Variants in KIF14 observed in about 807,000 individuals in gnomAD.
KIF14 encodes the protein kinesin-like protein KIF14.
In KIF14, 98 loss-of-function variants were observed where a neutral mutation model predicts 176.2. The observed-to-expected ratio is 0.56, with a 90% CI of 0.47 to 0.66. The LOEUF (loss-of-function observed/expected upper bound fraction) is 0.66. Among genes scored for constraint, KIF14 ranks in the 30% least tolerant of loss-of-function variants. The probability of loss-of-function intolerance (pLI) is 0.00; values close to 1 mark genes in which losing one functional copy is unlikely to be tolerated. For synonymous variants in KIF14, 566 were observed against 632.2 expected (o/e 0.90, Z 1.57); for missense variants, 1,751 against 1,920.4 (o/e 0.91, Z 1.65).
At chr1:200,569,818 G>T in intron 23 of KIF14, 93 bp downstream of exon 23, 1 of 638,160 alleles carries the variant, frequency 1.6e-6, no homozygotes, top group East Asian at 2.7e-5. Flanking sequence ...TCCAGGAAAT[G>T]AAATGATTTG....
intron 21 of KIF14, among the ~76,000 whole-genome samples, chr1:200,576,395 G>A (rs568008013): frequency 2.6e-5 from 4 of 151,060 alleles, no homozygotes; most frequent in East Asian, 2.0e-4. Flanking sequence ...AGAGAATGGC[G>A]TGAACCCGGG....
chr1:200,600,403 T>C lies in KIF14; in HGVS notation c.2253A>G (p.Leu751=). The change falls in exon 12 of 30, where the codon TTA becomes TTG. Residue 751 remains leucine, a synonymous_variant. Coordinates refer to ENST00000367350, the MANE Select transcript of KIF14 (RefSeq NM_014875.3). ...YRLCRQEITS[L]RMKLHQQERD... is the part of the protein sequence containing the mutation. ...TCTCCTGTTGATGCAGTTTCATTCT[T>C]AAGGATGTTATTTCTTGCCGACAGA... 6.2e-7 allele frequency: 1 copy of C among 1,613,886 alleles called. No individual in the cohort carries two copies. Among genetic ancestry groups the C allele is most frequent in the Non-Finnish European group, 8.5e-7 (1 of 1,179,772 alleles).
chr1:200,586,721 T>G (rs991215071), intron 18 of KIF14, among the ~76,000 whole-genome samples: 1 of 150,116 alleles, frequency 6.7e-6, no homozygotes, highest in Non-Finnish European at 1.5e-5. Flanking sequence ...TGCAAAGATA[T>G]GGAATCAACC....
intron 22 of KIF14, among the ~76,000 whole-genome samples, chr1:200,574,097 A>G (rs1657970251): frequency 6.6e-6 from 1 of 152,120 alleles, no homozygotes; most frequent in Non-Finnish European, 1.5e-5. Flanking sequence ...GACAATATCT[A>G]CTTCATAGGT....
At chr1:200,614,479 T>C in intron 3 of KIF14, 74 bp from the exon 4 acceptor site, 2 of 910,638 alleles carry the variant, frequency 2.2e-6, no homozygotes, top group Non-Finnish European at 3.4e-6. Context: ...GGAAATAGGC[T>C]GGGAAGGGAG....
chr1:200,567,228 G>C (rs1167689307), intron 23 of KIF14, among the ~76,000 whole-genome samples: 2 of 149,876 alleles, frequency 1.3e-5, no homozygotes, highest in Non-Finnish European at 1.5e-5. Context: ...GTTTCTCCTT[G>C]AGGTATACTA....
chr1:200,578,261 CTTTG>C (rs991561808), intron 21 of KIF14, among the ~76,000 whole-genome samples: 13 of 151,910 alleles, frequency 8.6e-5, no homozygotes, highest in Non-Finnish European at 1.5e-4. Flanking sequence ...CATTGCTTTC[CTTTG>C]TTTTATTTTG....
intron 9 of KIF14, 114 bp from the exon 10 acceptor site, chr1:200,603,455 C>A: frequency 1.7e-6 from 1 of 598,804 alleles, no homozygotes; most frequent in East Asian, 2.8e-5. Flanking sequence ...TTTTTACTTT[C>A]TTTTTTTTTG....
At chr1:200,612,881 C>CTTTTTTTTT (rs58120760) in intron 4 of KIF14, among the ~76,000 whole-genome samples, 5 of 79,100 alleles carry the variant, frequency 6.3e-5, no homozygotes, top group African/African-American at 9.7e-5. Context: ...AGTTTATTCT[C>CTTTTTTTTT]TTTTTTTTTT....
chr1:200,614,793 A>G (rs1468286350), intron 3 of KIF14, among the ~76,000 whole-genome samples: 1 of 32,118 alleles, frequency 3.1e-5, no homozygotes, highest in African/African-American at 9.5e-5. Context: ...CTTGCTACAA[A>G]AAAAAAAAAA....
chr1:200,572,456 T>C (rs776461831), intron 22 of KIF14, among the ~76,000 whole-genome samples: 4 of 152,164 alleles, frequency 2.6e-5, no homozygotes, highest in Non-Finnish European at 5.9e-5. Flanking sequence ...ACCATTCTCC[T>C]GCCTCAGCCT....
At chr1:200,591,771 C>T (rs919697252) in intron 16 of KIF14, among the ~76,000 whole-genome samples, 4 of 152,172 alleles carry the variant, frequency 2.6e-5, no homozygotes, top group South Asian at 2.1e-4. Context: ...CCACACAGTT[C>T]GGGACTCTTG....
intron 5 of KIF14, among the ~76,000 whole-genome samples, chr1:200,607,441 T>A (rs1185499016): frequency 6.6e-6 from 1 of 152,204 alleles, no homozygotes; most frequent in Non-Finnish European, 1.5e-5. Flanking sequence ...ACCCAGCTTG[T>A]CTTCCTAGTT....
At position 200,608,980 on chromosome 1, in the gene KIF14, A is replaced by G. The variant is rs761807454; in HGVS notation, c.1456-52T>C. The G allele has an allele frequency of 5.7e-6, 6 of 1,046,280 alleles. No homozygotes were observed. The Admixed American group carries it at 6.0e-5, about 11-fold the overall frequency. The allele number at this position is 1,046,280 out of a possible 1,614,324, so 64.8% of individuals were successfully genotyped here. A position where few individuals can be genotyped will look rare whatever the true frequency, so the allele number is the denominator to read the frequency against. ...AATTTATTTTGATGTTTTGCAAATC[A>G]TATCTGTGGTTAGGAACTAGTATCC... On this transcript the variant is annotated intron_variant, in intron 4 of 29. Coordinates refer to ENST00000367350, the MANE Select transcript of KIF14 (RefSeq NM_014875.3).
chr1:200,566,109 G>C (rs1657432452), intron 23 of KIF14, among the ~76,000 whole-genome samples: 1 of 152,102 alleles, frequency 6.6e-6, no homozygotes, highest in African/African-American at 2.4e-5. Context: ...ATATGCTAAA[G>C]TGAAAACACA....
At position 200,552,341 on chromosome 1, in the gene KIF14, T is replaced by G. The variant is rs1262638084; in HGVS notation, c.*1047A>C. Reference sequence around the variant, plus strand: ...TTTATTACTTGATCATAAATAAAGGTTTTTTTTTAAAGCTGTGGAAAATAA... The same window carrying G: ...TTTATTACTTGATCATAAATAAAGGGTTTTTTTTAAAGCTGTGGAAAATAA... On this transcript the variant is annotated 3_prime_UTR_variant, in exon 30 of 30. Coordinates refer to ENST00000367350, the MANE Select transcript of KIF14 (RefSeq NM_014875.3). 4 of 150,312 alleles carry G rather than the reference T, an allele frequency of 2.7e-5. No individual in the cohort carries two copies. In the East Asian group the frequency reaches 5.8e-4, roughly 22 times the overall value. The allele number at this position is 150,312 out of a possible 1,614,324, so 9.3% of individuals were successfully genotyped here.
Position 200,569,939 on chromosome 1 carries a change from A to C in KIF14, c.3633T>G (p.Ile1211Met). The C allele has an allele frequency of 1.9e-6, 3 of 1,599,112 alleles. No individual in the cohort carries two copies. The highest frequency in any genetic ancestry group is 2.6e-6 in the Non-Finnish European group (3 of 1,169,548). Reference protein sequence around the residue: ...GCLHDIQVHPIKNLHSSHSSG... With the variant: ...GCLHDIQVHPMKNLHSSHSSG... ...ATGAATGTGAAGAATGCAAATTCTT[A>C]ATTGGATGGACTTGTATGTCATGTA... Residue 1211 changes from isoleucine to methionine, a missense_variant, in exon 23 of 30, where the codon ATT becomes ATG. By Grantham distance (10) the Ile-to-Met change is conservative (BLOSUM62 1). Coordinates refer to ENST00000367350, the MANE Select transcript of KIF14 (RefSeq NM_014875.3).
At position 200,603,854 on chromosome 1, in the gene KIF14, A is replaced by G; in HGVS notation, c.1848T>C (p.Asn616=). 3 of 1,600,038 alleles carry G rather than the reference A, an allele frequency of 1.9e-6. No homozygotes were observed. Among genetic ancestry groups the G allele is most frequent in the South Asian group, 2.2e-5 (2 of 90,792 alleles). The change falls in exon 9 of 30, where the codon AAT becomes AAC. Residue 616 remains asparagine (N), a synonymous_variant. Transcript: ENST00000367350. ...TTCCATTTACCTTTAGTCGATCTCC[A>G]TTAGTGTGAGCCGTAGAGCAGCGCT... ...GSERCSTAHT[N]GDRLKEGVSI...
At chr1:200,605,546 T>A (rs559112006) in intron 7 of KIF14, among the ~76,000 whole-genome samples, 156 bp from the exon 8 acceptor site, 2 of 152,344 alleles carry the variant, frequency 1.3e-5, no homozygotes, top group Admixed American at 1.3e-4. Flanking sequence ...ACATTTGTAA[T>A]TAATTTATAA....
Sources: allele counts gnomAD v4.1 joint callset (sites outside exome capture counted in the v4.1 genomes callset), GRCh38; gene constraint gnomAD v4.1.1; transcripts MANE v1.5; gene names NCBI Gene and HGNC (gene_info 2026-07-23, HGNC 2026-07-21).